The following SEC14L5 variants were observed in gnomAD, a reference collection of about 807,000 sequenced individuals.
SEC14L5 encodes SEC14-like protein 5.
A neutral mutation model predicts 84.6 loss-of-function variants in SEC14L5; 96 were observed. The observed-to-expected ratio is 1.13, with a 90% confidence interval of 0.96 to 1.34. The LOEUF is 1.34. Ranked by LOEUF, SEC14L5 falls within the 40% of genes most tolerant of loss-of-function variation. The probability of loss-of-function intolerance (pLI) is 0.00; values close to 1 mark genes in which losing one functional copy is unlikely to be tolerated. For missense variants in SEC14L5, 1,224 were observed against 942.5 expected (o/e 1.30, Z -3.91); for synonymous variants, 546 against 383.4 (o/e 1.42, Z -4.95).
At chr16:4,999,593 C>T (rs1030518939) in intron 8 of SEC14L5, among the ~76,000 whole-genome samples, 2 of 151,998 alleles carry the variant, frequency 1.3e-5, no homozygotes, top group African/African-American at 4.8e-5. Context: ...GCACTCCAGC[C>T]TGGGTGACAG....
Position 4,992,044 on chromosome 16 carries a change from C to T in SEC14L5, c.667+14C>T. ...TCAGTATGGACGGTAGGTGGTACAG[C>T]CCAGGCCAGTCAGCCCTAGGAGGCT... On this transcript the variant is annotated intron_variant, in intron 6 of 15. Transcript: ENST00000251170. 2.6e-6 allele frequency: 4 copies of T among 1,526,040 alleles called. No homozygotes were observed. The highest frequency in any genetic ancestry group is 3.5e-6 in the Non-Finnish European group (4 of 1,141,710). 94.5% of individuals were successfully genotyped at this position (1,526,040 alleles called of 1,614,324 possible).
intron 2 of SEC14L5, among the ~76,000 whole-genome samples, chr16:4,972,129 C>G (rs1344658464): frequency 6.6e-6 from 1 of 151,922 alleles, no homozygotes. Flanking sequence ...CCTCAGCTAC[C>G]TGAGTAGCTG....
chr16:4,975,531 C>T (rs552611030), intron 2 of SEC14L5, among the ~76,000 whole-genome samples: 9 of 150,482 alleles, frequency 6.0e-5, no homozygotes, highest in South Asian at 4.2e-4. Context: ...AGTAGTATTC[C>T]GTGGTGTATA....
chr16:4,969,493 C>A (rs1009873837), intron 2 of SEC14L5, among the ~76,000 whole-genome samples: 1 of 151,944 alleles, frequency 6.6e-6, no homozygotes, highest in Non-Finnish European at 1.5e-5. Context: ...AAGCGATTTT[C>A]CTGCCTTAGC....
At chr16:5,009,846 G>C (rs1437576298) in intron 14 of SEC14L5, among the ~76,000 whole-genome samples, 1 of 152,096 alleles carries the variant, frequency 6.6e-6, no homozygotes, top group African/African-American at 2.4e-5. Context: ...CTGGGAGGGG[G>C]TGAGAGGGGA....
intron 1 of SEC14L5, among the ~76,000 whole-genome samples, chr16:4,958,781 A>G (rs1955084437): frequency 6.6e-6 from 1 of 152,110 alleles, no homozygotes; most frequent in Non-Finnish European, 1.5e-5. Flanking sequence ...CTGCGTGTGT[A>G]CATGTGTGTG....
intron 2 of SEC14L5, among the ~76,000 whole-genome samples, chr16:4,966,714 G>C (rs1233827353): frequency 6.6e-6 from 1 of 152,102 alleles, no homozygotes; most frequent in Non-Finnish European, 1.5e-5. Context: ...GTAGCAGGTG[G>C]GGACTCAACT....
At chr16:4,973,830 A>C (rs567668107) in intron 2 of SEC14L5, among the ~76,000 whole-genome samples, 1 of 151,842 alleles carries the variant, frequency 6.6e-6, no homozygotes, top group East Asian at 1.9e-4. Context: ...CTCCAGGTGC[A>C]TGCCACCATG....
In SEC14L5 at chr16:5,008,663, G is replaced by C; in HGVS notation, c.1800+15G>C. The C allele has an allele frequency of 3.1e-6, 5 of 1,601,768 alleles. No homozygotes were observed. Among genetic ancestry groups the C allele is most frequent in the Non-Finnish European group, 2.6e-6 (3 of 1,173,228 alleles). ...AGAGCATCCAGGTTTGCATTTTCTG[G>C]ACCACTCATTCGCTCACCAAGCAGC... is the stretch of plus-strand genomic sequence containing the variant. On this transcript the variant is annotated intron_variant, in intron 14 of 15. Coordinates refer to ENST00000251170, the MANE Select transcript of SEC14L5 (RefSeq NM_014692.2).
chr16:4,987,998 G>A (rs1357356335), intron 3 of SEC14L5, 151 bp from the exon 4 acceptor site: 1 of 836,102 alleles, frequency 1.2e-6, no homozygotes, highest in South Asian at 1.7e-5. Context: ...TCGGGGGTTG[G>A]TGTCCTGGGT....
Position 4,959,354 on chromosome 16 carries a change from G to C in SEC14L5, c.31G>C (p.Val11Leu), listed in dbSNP as rs756204265. MVQRYQSPVR[V>L]YKYPFELVMA... ...GCAAAGATACCAGTCTCCTGTCCGA[G>C]TCTACAAGTACCCGTTTGAGCTGGT... Residue 11 changes from valine (V) to leucine (L), a missense_variant, in exon 2 of 16, where the codon GTC (valine) becomes CTC (leucine). Physicochemically the swap from Val to Leu is conservative, Grantham distance 32. Transcript: ENST00000251170. The C allele has an allele frequency of 1.2e-6, 2 of 1,613,908 alleles. No homozygotes were observed. The highest frequency in any genetic ancestry group is 1.7e-6 in the Non-Finnish European group (2 of 1,179,840).
rs562041127 is a variant in SEC14L5 at position 5,003,682 on chromosome 16, C to G, written c.1302+109C>G. On this transcript the variant is annotated intron_variant, in intron 11 of 15. Transcript: ENST00000251170. ...TTTCCTGTTTCATTTCATTTAGTAA[C>G]TTTTTGGAGATGAAACTCACATAGC... 2.0e-5 allele frequency: 15 copies of G among 748,792 alleles called. No individual in the cohort carries two copies. The East Asian group carries it at 2.4e-4, about 12-fold the overall frequency. The allele number at this position is 748,792 out of a possible 1,614,324, so 46.4% of individuals were successfully genotyped here. A position where few individuals can be genotyped will look rare whatever the true frequency, so the allele number is the denominator to read the frequency against.
chr16:4,998,555 G>A (rs1014341897), intron 8 of SEC14L5, among the ~76,000 whole-genome samples: 1 of 148,480 alleles, frequency 6.7e-6, no homozygotes, highest in Non-Finnish European at 1.5e-5. Flanking sequence ...CGGCTAAAAC[G>A]GTGAAACCCC....
At chr16:4,992,109 G>A (rs1955559487) in intron 6 of SEC14L5, 79 bp downstream of exon 6, 2 of 1,057,184 alleles carry the variant, frequency 1.9e-6, no homozygotes, top group Admixed American at 3.0e-5. Flanking sequence ...CCTGGGGCAT[G>A]TTGGGGAGAA....
rs186907967 is a variant in SEC14L5 at position 4,979,457 on chromosome 16, C to T, written c.64-8100C>T. 9.2e-5 allele frequency among the ~76,000 whole-genome samples: 14 copies of T among 152,326 alleles called. No individual in the cohort carries two copies. The East Asian group carries it at 2.1e-3, about 23-fold the overall frequency. On this transcript the variant is annotated intron_variant, in intron 2 of 15. Transcript: ENST00000251170. ...TACCTACTTCATCAGGAGCAGCACACGGTATGCAGTGAGCCCAGTGTATGC... is the reference window on the plus strand; with the variant it reads ...TACCTACTTCATCAGGAGCAGCACATGGTATGCAGTGAGCCCAGTGTATGC...
intron 15 of SEC14L5, among the ~76,000 whole-genome samples, chr16:5,013,602 A>T (rs1464352721): frequency 2.5e-4 from 28 of 113,814 alleles, no homozygotes; most frequent in Non-Finnish European, 1.5e-4. Context: ...TCTGTCACCC[A>T]GGCTGGAGTA....
At chr16:5,005,845 C>T (rs1185817524) in intron 11 of SEC14L5, 69 bp from the exon 12 acceptor site, 2 of 1,439,828 alleles carry the variant, frequency 1.4e-6, no homozygotes, top group African/African-American at 1.7e-5. Context: ...GCCTGGGCGA[C>T]TGAGCAAGAC....
intron 7 of SEC14L5, among the ~76,000 whole-genome samples, 161 bp downstream of exon 7, chr16:4,996,621 T>C (rs1955612511): frequency 6.6e-6 from 1 of 152,098 alleles, no homozygotes; most frequent in Non-Finnish European, 1.5e-5. Flanking sequence ...TCTCACTCTG[T>C]CCCCCAGGCA....
chr16:4,998,563 C>A (rs1218502440), intron 8 of SEC14L5, among the ~76,000 whole-genome samples: 1 of 148,586 alleles, frequency 6.7e-6, no homozygotes, highest in South Asian at 2.2e-4. Flanking sequence ...ACGGTGAAAC[C>A]CCGTCTCTAC....
Sources: allele counts gnomAD v4.1 joint callset (sites outside exome capture counted in the v4.1 genomes callset), GRCh38; gene constraint gnomAD v4.1.1; transcripts MANE v1.5; gene names NCBI Gene and HGNC (gene_info 2026-07-23, HGNC 2026-07-21).